The following CEP120 variants were observed in gnomAD, a reference collection of about 807,000 sequenced individuals.
CEP120 encodes the protein centrosomal protein 120.
Under a neutral mutation model 126.5 loss-of-function variants are expected in CEP120, and 113 were observed. That is an observed-to-expected ratio of 0.89 (90% confidence interval 0.77 to 1.04). CEP120 has a LOEUF of 1.04. Among genes scored for constraint, CEP120 ranks in the 50% least tolerant of loss-of-function variants. The pLI is 0.00. For missense variants in CEP120, 1,230 were observed against 1,155.7 expected, an observed-to-expected ratio of 1.06 and a Z score of -0.93; for synonymous variants, 400 against 394.3, an observed-to-expected ratio of 1.01 and a Z score of -0.17.
intron 8 of CEP120, among the ~76,000 whole-genome samples, 174 bp from the exon 9 acceptor site, chr5:123,388,780 T>C (rs1772191799): frequency 6.6e-6 from 1 of 152,170 alleles, no homozygotes; most frequent in Non-Finnish European, 1.5e-5. Context: ...CACACAAAAA[T>C]AACCCAGGTT....
chr5:123,423,548 C>A (rs377606397), upstream of CEP120: 126 of 156,950 alleles, frequency 8.0e-4, 3 homozygotes, highest in South Asian at 9.4e-3. Flanking sequence ...GAGAGGCGGG[C>A]GACTTGGTGT....
At chr5:123,352,326 G>A (rs537506409) in intron 18 of CEP120, among the ~76,000 whole-genome samples, 6 of 151,912 alleles carry the variant, frequency 3.9e-5, no homozygotes, top group East Asian at 1.9e-4. Context: ...TTGGTTAACC[G>A]TGCTCTTTCC....
chr5:123,380,945 T>C (rs547536780), intron 14 of CEP120, among the ~76,000 whole-genome samples: 71 of 152,244 alleles, frequency 4.7e-4, no homozygotes, highest in African/African-American at 1.7e-3. Flanking sequence ...TTCTAAAGAA[T>C]AGAGACTTTG....
chr5:123,347,469 C>A (rs1366334), intron 19 of CEP120, among the ~76,000 whole-genome samples: 18 of 152,084 alleles, frequency 1.2e-4, no homozygotes, highest in Non-Finnish European at 1.5e-4. Context: ...TTACATATGC[C>A]TAGTTCAAAG....
chr5:123,422,926 A>C, intron 1 of CEP120, 24 bp downstream of exon 1: 1 of 1,612,490 alleles, frequency 6.2e-7, no homozygotes, highest in Non-Finnish European at 8.5e-7. Flanking sequence ...CAGCAGTTGC[A>C]AAAGCAAGCC....
intron 6 of CEP120, among the ~76,000 whole-genome samples, chr5:123,391,797 G>GT (rs558197520): frequency 2.6e-5 from 4 of 151,990 alleles, no homozygotes; most frequent in Admixed American, 1.3e-4. Flanking sequence ...AAATAGTTTT[G>GT]TTTTTTTCAC....
At chr5:123,353,015 T>C (rs1200072806) in intron 18 of CEP120, among the ~76,000 whole-genome samples, 3 of 152,044 alleles carry the variant, frequency 2.0e-5, no homozygotes, top group Non-Finnish European at 4.4e-5. Context: ...AATAGGTCAA[T>C]GTAGATACTT....
intron 7 of CEP120, 128 bp downstream of exon 7, chr5:123,390,982 A>G (rs1772355132): frequency 4.4e-6 from 3 of 683,670 alleles, no homozygotes; most frequent in Non-Finnish European, 7.4e-6. Flanking sequence ...GGTATCATAT[A>G]ACAAAGGTCA....
At position 123,378,352 on chromosome 5, in the gene CEP120, G is replaced by A. The variant is rs1181779136; in HGVS notation, c.2180C>T (p.Ala727Val). The A allele has an allele frequency of 6.2e-7, 1 of 1,605,562 alleles. No homozygotes were observed. The highest frequency in any genetic ancestry group is 8.5e-7 in the Non-Finnish European group (1 of 1,176,812). ...IDLEKREQQL[A>V]SVESELQREK... Reference sequence around the variant, plus strand: ...ATGACATACCTCTGATTCCACACTAGCAAGCTGCTGCTCTCGCTTCTCCAA... The same window carrying A: ...ATGACATACCTCTGATTCCACACTAACAAGCTGCTGCTCTCGCTTCTCCAA... Residue 727 changes from alanine to valine, a missense_variant, in exon 15 of 20, where the codon GCT (alanine) becomes GTT (valine). Physicochemically the swap from Ala to Val is moderately conservative, Grantham distance 64 (BLOSUM62 0). Coordinates refer to ENST00000306467, the MANE Select transcript of CEP120 (RefSeq NM_001375405.1).
At chr5:123,351,949 T>C (rs1561990288) in intron 18 of CEP120, among the ~76,000 whole-genome samples, 1 of 152,154 alleles carries the variant, frequency 6.6e-6, no homozygotes, top group Non-Finnish European at 1.5e-5. Flanking sequence ...CAATGCTTTA[T>C]ATTCTTGCCA....
At chr5:123,398,025 A>G (rs928376833) in intron 5 of CEP120, among the ~76,000 whole-genome samples, 2 of 152,240 alleles carry the variant, frequency 1.3e-5, no homozygotes, top group African/African-American at 4.8e-5. Flanking sequence ...TTGAGGCTAC[A>G]GTGAGCTATG....
In CEP120 at chr5:123,386,572, T is replaced by A. The variant is rs777240906; in HGVS notation, c.1526A>T (p.Tyr509Phe). 2.5e-6 allele frequency: 4 copies of A among 1,592,492 alleles called. No individual in the cohort carries two copies. The highest frequency in any genetic ancestry group is 3.4e-6 in the Non-Finnish European group (4 of 1,171,016). ...CATAGTTGCAAAATCAAATGCACAG[T>A]AAGACTGGGGAAGAAAAACTTCCAT... ...KNMEVFLPQS[Y>F]CAFDFATMPH... Residue 509 changes from tyrosine (Y) to phenylalanine (F), a missense_variant, in exon 10 of 20, where the codon TAC (tyrosine) becomes TTC (phenylalanine). Tyr to Phe is a conservative substitution (Grantham distance 22, BLOSUM62 3). Transcript: ENST00000306467.
At chr5:123,422,479 G>A in intron 1 of CEP120, 1 of 1,532,482 alleles carries the variant, frequency 6.5e-7, no homozygotes, top group Non-Finnish European at 8.7e-7. Flanking sequence ...TTTAAGGAAT[G>A]TATAATACAC....
chr5:123,412,526 G>A lies in CEP120; in HGVS notation c.336C>T (p.Tyr112=). 1 of 1,595,736 alleles carries A rather than the reference G, an allele frequency of 6.3e-7. No homozygotes were observed. The highest frequency in any genetic ancestry group is 8.5e-7 in the Non-Finnish European group (1 of 1,172,966). Residue 112 remains tyrosine, a synonymous_variant, in exon 4 of 20, where the codon TAC becomes TAT. Transcript: ENST00000306467. ...TGGTGTATTTATTACTCAGCAACTGGTACCATTTTGGTGCCTAGAGAATAA... is the reference window on the plus strand; with the variant it reads ...TGGTGTATTTATTACTCAGCAACTGATACCATTTTGGTGCCTAGAGAATAA... The part of the protein sequence containing the change: ...AQETKQAPKW[Y]QLLSNKYTKF...
chr5:123,373,290 A>T (rs1770974054), intron 16 of CEP120, among the ~76,000 whole-genome samples: 1 of 152,058 alleles, frequency 6.6e-6, no homozygotes, highest in African/African-American at 2.4e-5. Context: ...AAAAACAGAG[A>T]AAGAGATTAC....
rs1227601379 is a variant in CEP120, at chr5:123,346,718, G to A, written c.2762C>T (p.Ser921Phe). The change falls in exon 20 of 20, where the codon TCC (serine) becomes TTC (phenylalanine). Residue 921 changes from serine to phenylalanine, a missense_variant. Transcript: ENST00000306467. The part of the protein sequence containing the change: ...RQQEQKQYQD[S>F]TEIASGKKDG... ...CTTTTTTCCACTTGCAATCTCTGTGGAATCCTGGTATTGTTTTTGCTCTTG... is the reference window on the plus strand; with the variant it reads ...CTTTTTTCCACTTGCAATCTCTGTGAAATCCTGGTATTGTTTTTGCTCTTG... 2 of 1,612,260 alleles carry A rather than the reference G, an allele frequency of 1.2e-6. No homozygotes were observed. Among genetic ancestry groups the A allele is most frequent in the Non-Finnish European group, 1.7e-6 (2 of 1,179,540 alleles).
At chr5:123,406,875 T>C (rs1475885677) in intron 4 of CEP120, among the ~76,000 whole-genome samples, 2 of 151,468 alleles carry the variant, frequency 1.3e-5, no homozygotes, top group South Asian at 4.1e-4. Context: ...TCAATTATTA[T>C]GTGTGTGTGT....
chr5:123,407,905 G>GA (rs1773800632), intron 4 of CEP120, among the ~76,000 whole-genome samples: 1 of 151,960 alleles, frequency 6.6e-6, no homozygotes, highest in South Asian at 2.1e-4. Context: ...GAGATAGCTG[G>GA]AAAATCCCAA....
At chr5:123,404,376 G>A (rs1162282931) in intron 4 of CEP120, among the ~76,000 whole-genome samples, 1 of 152,150 alleles carries the variant, frequency 6.6e-6, no homozygotes, top group Admixed American at 6.5e-5. Context: ...GTGCCTAGAG[G>A]TCATCCAAAA....
Sources: allele counts gnomAD v4.1 joint callset (sites outside exome capture counted in the v4.1 genomes callset), GRCh38; gene constraint gnomAD v4.1.1; transcripts MANE v1.5; gene names NCBI Gene and HGNC (gene_info 2026-07-23, HGNC 2026-07-21).